The following DOCK9 variants were observed in gnomAD, a reference collection of about 807,000 sequenced individuals.
DOCK9 encodes dedicator of cytokinesis 9, also known as dedicator of cytokinesis protein 9.
A neutral mutation model predicts 263.3 loss-of-function variants in DOCK9; 89 were observed. The observed-to-expected ratio is 0.34, with a 90% CI of 0.28 to 0.40. The LOEUF (loss-of-function observed/expected upper bound fraction) is 0.40, where lower values mean the gene tolerates loss of function less well. Ranked by LOEUF, DOCK9 falls within the 10% of genes least tolerant of loss-of-function variation. The pLI, the probability that DOCK9 is intolerant of heterozygous loss-of-function variation, is 1.00. For synonymous variants in DOCK9, 976 were observed against 973.1 expected, an observed-to-expected ratio of 1.00 and a Z score of -0.06; for missense variants, 2,140 against 2,603.4, an observed-to-expected ratio of 0.82 and a Z score of 3.87.
Position 98,915,398 on chromosome 13 carries a change from G to A in DOCK9, c.823C>T (p.Leu275=). Residue 275 remains leucine, a synonymous_variant, in exon 8 of 53, where the codon CTA becomes TTA. Coordinates refer to ENST00000682017, the MANE Select transcript of DOCK9 (RefSeq NM_001366683.2). ...EVEMEEWITI[L]NKILQLNFEA... ...AAGTTGAGCTGGAGGATCTTATTTA[G>A]AATTGTGATCCATTCTTCCATTTCC... The A allele has an allele frequency of 1.2e-6, 2 of 1,613,928 alleles. No homozygotes were observed. The highest frequency in any genetic ancestry group is 4.5e-5 in the East Asian group (2 of 44,890).
intron 45 of DOCK9, among the ~76,000 whole-genome samples, chr13:98,814,406 C>CT (rs36080691): frequency 0.38 from 52,508 of 138,948 alleles, 10,398 homozygotes; most frequent in Non-Finnish European, 0.4. Flanking sequence ...AGAAGTACGT[C>CT]TTTTTTTTTT....
At chr13:98,814,320 A>G (rs185711212) in intron 45 of DOCK9, among the ~76,000 whole-genome samples, 7 of 152,136 alleles carry the variant, frequency 4.6e-5, no homozygotes, top group African/African-American at 1.7e-4. Context: ...TGTAGTAACC[A>G]CCATAGCAGC....
intron 1 of DOCK9, among the ~76,000 whole-genome samples, chr13:98,969,389 G>A (rs953684828): frequency 6.6e-6 from 1 of 152,020 alleles, no homozygotes; most frequent in Non-Finnish European, 1.5e-5. Flanking sequence ...CTTTCCTGCA[G>A]GCCCTTTCGC....
chr13:99,047,946 A>G (rs895629282), intron 1 of DOCK9, among the ~76,000 whole-genome samples: 5 of 152,056 alleles, frequency 3.3e-5, no homozygotes, highest in Admixed American at 3.3e-4. Flanking sequence ...GCCCTCCTGT[A>G]TAATACCCAA....
intron 38 of DOCK9, among the ~76,000 whole-genome samples, chr13:98,841,892 C>A (rs1333248745): frequency 6.6e-6 from 1 of 152,056 alleles, no homozygotes; most frequent in Non-Finnish European, 1.5e-5. Context: ...ATCTGCCTGT[C>A]TCAGCCTCCC....
intron 1 of DOCK9, among the ~76,000 whole-genome samples, chr13:99,074,322 C>G (rs565321091): frequency 6.6e-6 from 1 of 152,348 alleles, no homozygotes; most frequent in South Asian, 2.1e-4. Flanking sequence ...CTTCCAGGAT[C>G]TTTGTAAGGG....
intron 15 of DOCK9, among the ~76,000 whole-genome samples, chr13:98,895,049 G>C (rs1399588538): frequency 6.6e-6 from 1 of 151,038 alleles, no homozygotes; most frequent in Non-Finnish European, 1.5e-5. Flanking sequence ...AGGAGGCTGA[G>C]GCAGGAGAAT....
At chr13:98,903,389 C>T (rs901275600) in intron 10 of DOCK9, among the ~76,000 whole-genome samples, 3 of 151,890 alleles carry the variant, frequency 2.0e-5, no homozygotes, top group Admixed American at 6.6e-5. Context: ...GTCAGGAGAT[C>T]GAGACCATCC....
chr13:98,850,391 G>T (rs1431601429), intron 35 of DOCK9, among the ~76,000 whole-genome samples: 1 of 152,116 alleles, frequency 6.6e-6, no homozygotes, highest in Non-Finnish European at 1.5e-5. Flanking sequence ...TAACTTATTC[G>T]TAACATGCTC....
chr13:99,076,297 T>A (rs1216040486), intron 1 of DOCK9, among the ~76,000 whole-genome samples: 1 of 152,248 alleles, frequency 6.6e-6, no homozygotes, highest in Non-Finnish European at 1.5e-5. Context: ...ATAAATGAGT[T>A]ACTAAATATT....
intron 1 of DOCK9, among the ~76,000 whole-genome samples, chr13:98,999,158 G>A (rs1484664411): frequency 1.3e-5 from 2 of 152,172 alleles, no homozygotes; most frequent in South Asian, 2.1e-4. Context: ...CCAGTGTGGC[G>A]ATTCCCTGAG....
chr13:99,006,656 A>G (rs1166240529), intron 1 of DOCK9, among the ~76,000 whole-genome samples: 1 of 152,212 alleles, frequency 6.6e-6, no homozygotes, highest in Non-Finnish European at 1.5e-5. Flanking sequence ...GAAAACACAT[A>G]CCACAAATTA....
In DOCK9 at chr13:98,943,825, T is replaced by C. The variant is rs1185341517; in HGVS notation, c.243+11610A>G. Among the ~76,000 whole-genome samples the C allele has an allele frequency of 2.0e-5, 3 of 149,862 alleles. No homozygotes were observed. The East Asian group carries it at 5.8e-4, about 29-fold the overall frequency. ...AGGGGAAAAAAAGCAGTTTCATAGT[T>C]ACAAATAATCATAATAAAGAGGGAT... On this transcript the variant is annotated intron_variant, in intron 2 of 52. Coordinates refer to ENST00000682017, the MANE Select transcript of DOCK9 (RefSeq NM_001366683.2).
intron 45 of DOCK9, among the ~76,000 whole-genome samples, chr13:98,821,953 G>C (rs2092298392): frequency 6.6e-6 from 1 of 152,210 alleles, no homozygotes; most frequent in South Asian, 2.1e-4. Context: ...CTCTCTGGCA[G>C]AGATTTTCAT....
chr13:99,037,800 C>A (rs1391999184), intron 1 of DOCK9, among the ~76,000 whole-genome samples: 1 of 152,154 alleles, frequency 6.6e-6, no homozygotes, highest in Admixed American at 6.5e-5. Flanking sequence ...AAGAAATGAA[C>A]TTCTGATACA....
At chr13:99,059,513 A>C (rs2142275643) in intron 1 of DOCK9, among the ~76,000 whole-genome samples, 1 of 152,134 alleles carries the variant, frequency 6.6e-6, no homozygotes, top group South Asian at 2.1e-4. Flanking sequence ...CCTCATCTGT[A>C]TTATTCTAAC....
chr13:98,974,620 T>C (rs1219766021), intron 1 of DOCK9, among the ~76,000 whole-genome samples: 1 of 151,488 alleles, frequency 6.6e-6, no homozygotes, highest in Non-Finnish European at 1.5e-5. Context: ...CATGGTGGCA[T>C]GCGCCTGTAA....
intron 1 of DOCK9, among the ~76,000 whole-genome samples, chr13:98,996,868 G>T (rs572537166): frequency 6.6e-6 from 1 of 152,314 alleles, no homozygotes; most frequent in South Asian, 2.1e-4. Flanking sequence ...AAGTTGCTCT[G>T]CCAATGGTAA....
At chr13:98,879,769 A>T in intron 27 of DOCK9, 129 bp downstream of exon 27, 1 of 654,188 alleles carries the variant, frequency 1.5e-6, no homozygotes, top group Non-Finnish European at 2.5e-6. Flanking sequence ...AAAATGATTT[A>T]TTACTTGTAA....
Sources: allele counts gnomAD v4.1 joint callset (sites outside exome capture counted in the v4.1 genomes callset), GRCh38; gene constraint gnomAD v4.1.1; transcripts MANE v1.5; gene names NCBI Gene and HGNC (gene_info 2026-07-23, HGNC 2026-07-21).